Variants in IMMP2L observed in about 807,000 individuals in gnomAD.
IMMP2L encodes the protein inner mitochondrial membrane peptidase subunit 2, also known as mitochondrial inner membrane protease subunit 2.
Under a neutral mutation model 19.3 loss-of-function variants are expected in IMMP2L, and 18 were observed. The ratio of observed to expected loss-of-function variants is 0.93; its 90% CI spans 0.64 to 1.38. The LOEUF is 1.38. IMMP2L is among the 40% of genes most tolerant of loss of function. The pLI is 0.00. For synonymous variants in IMMP2L, 76 were observed against 73.0 expected (o/e 1.04, Z -0.21); for missense variants, 233 against 218.2 (o/e 1.07, Z -0.43).
chr7:110,747,229 A>T (rs1414062630), intron 5 of IMMP2L, among the ~76,000 whole-genome samples: 1 of 152,198 alleles, frequency 6.6e-6, no homozygotes, highest in Non-Finnish European at 1.5e-5. Flanking sequence ...ATACACCAAT[A>T]ACAAGTTCTG....
intron 5 of IMMP2L, among the ~76,000 whole-genome samples, chr7:110,810,542 G>A (rs1801965881): frequency 6.6e-6 from 1 of 152,014 alleles, no homozygotes; most frequent in South Asian, 2.1e-4. Context: ...TCTGGTTATG[G>A]TAAGAACCTT....
chr7:111,399,754 G>A (rs1375762768), intron 3 of IMMP2L, among the ~76,000 whole-genome samples: 4 of 152,018 alleles, frequency 2.6e-5, no homozygotes, highest in African/African-American at 9.7e-5. Context: ...TTTTAAACAT[G>A]TAGTAGTATA....
chr7:111,354,280 A>T (rs1396448433), intron 3 of IMMP2L, among the ~76,000 whole-genome samples: 1 of 152,056 alleles, frequency 6.6e-6, no homozygotes, highest in Non-Finnish European at 1.5e-5. Flanking sequence ...TATTAAGGTA[A>T]CATATTTACC....
intron 1 of IMMP2L, among the ~76,000 whole-genome samples, chr7:111,549,818 G>A (rs1010739620): frequency 6.6e-6 from 1 of 151,970 alleles, no homozygotes; most frequent in East Asian, 1.9e-4. Flanking sequence ...ACACATGCCT[G>A]TAATCCCAGC....
chr7:110,854,596 C>T (rs7782308), intron 5 of IMMP2L, among the ~76,000 whole-genome samples: 2,443 of 151,928 alleles, frequency 0.016, 63 homozygotes, highest in African/African-American at 0.05. Flanking sequence ...GTCAATCTAG[C>T]CAGATGAAAT....
intron 3 of IMMP2L, among the ~76,000 whole-genome samples, chr7:111,047,556 A>G (rs978170412): frequency 6.6e-6 from 1 of 152,172 alleles, no homozygotes; most frequent in Admixed American, 6.5e-5. Context: ...AGCAAACTGT[A>G]GAAGCCTTTT....
chr7:111,400,454 C>T (rs1004099867), intron 3 of IMMP2L, among the ~76,000 whole-genome samples: 3 of 152,094 alleles, frequency 2.0e-5, no homozygotes, highest in Admixed American at 2.0e-4. Flanking sequence ...ACACACCCTG[C>T]TGCTACATCT....
intron 3 of IMMP2L, among the ~76,000 whole-genome samples, chr7:111,204,024 C>G (rs1810441493): frequency 6.6e-6 from 1 of 152,076 alleles, no homozygotes; most frequent in African/African-American, 2.4e-5. Context: ...GTCTAACCAT[C>G]CCAATGTACA....
chr7:111,538,349 T>G (rs921483622), intron 1 of IMMP2L, among the ~76,000 whole-genome samples: 9 of 150,936 alleles, frequency 6.0e-5, no homozygotes, highest in Admixed American at 1.3e-4. Flanking sequence ...ATAAATTTTA[T>G]GTGTGTGTGT....
chr7:111,208,183 C>T (rs1341017292), intron 3 of IMMP2L, among the ~76,000 whole-genome samples: 1 of 152,150 alleles, frequency 6.6e-6, no homozygotes, highest in African/African-American at 2.4e-5. Context: ...GCAAAATGTT[C>T]ATTTTGACCA....
chr7:110,935,491 C>T (rs1034021346), intron 4 of IMMP2L, among the ~76,000 whole-genome samples: 2 of 151,964 alleles, frequency 1.3e-5, no homozygotes, highest in African/African-American at 2.4e-5. Context: ...TTGCTCTTCT[C>T]GAGGAGTATC....
intron 5 of IMMP2L, among the ~76,000 whole-genome samples, chr7:110,775,037 T>C (rs1262498681): frequency 3.3e-5 from 5 of 152,078 alleles, no homozygotes; most frequent in South Asian, 2.1e-4. Flanking sequence ...CTTAGTGATA[T>C]AGGAAAATAC....
At chr7:110,892,392 T>C (rs1210993230) in intron 4 of IMMP2L, among the ~76,000 whole-genome samples, 3 of 152,092 alleles carry the variant, frequency 2.0e-5, no homozygotes, top group Admixed American at 6.6e-5. Flanking sequence ...TTATCCACAC[T>C]TCCCCATCTC....
chr7:110,831,892 G>A (rs974632623), intron 5 of IMMP2L, among the ~76,000 whole-genome samples: 5 of 152,144 alleles, frequency 3.3e-5, no homozygotes, highest in African/African-American at 7.2e-5. Context: ...TAGAGGCTTC[G>A]GTGAAAGTCC....
chr7:110,662,864 C>T lies in IMMP2L; in HGVS notation c.*738G>A, dbSNP rs1791183071. Reference sequence around the variant, plus strand: ...AATGCGGATAAAGGGGTTTACCCATCATTGTGAATAGGCATGAGATCACTC... The same window carrying T: ...AATGCGGATAAAGGGGTTTACCCATTATTGTGAATAGGCATGAGATCACTC... On this transcript the variant is annotated 3_prime_UTR_variant, in exon 6 of 6. Coordinates refer to ENST00000405709, the MANE Select transcript of IMMP2L (RefSeq NM_032549.4). Among the ~76,000 whole-genome samples, 1 of 152,160 alleles carries T rather than the reference C, an allele frequency of 6.6e-6. No individual in the cohort carries two copies. The highest frequency in any genetic ancestry group is 1.5e-5 in the Non-Finnish European group (1 of 68,028).
At chr7:111,188,135 C>A (rs747906698) in intron 3 of IMMP2L, among the ~76,000 whole-genome samples, 1 of 152,074 alleles carries the variant, frequency 6.6e-6, no homozygotes, top group African/African-American at 2.4e-5. Flanking sequence ...GCTCCCTCCA[C>A]GGCTTGTGAC....
At chr7:111,241,382 T>A (rs1228438585) in intron 3 of IMMP2L, among the ~76,000 whole-genome samples, 1 of 152,004 alleles carries the variant, frequency 6.6e-6, no homozygotes, top group Non-Finnish European at 1.5e-5. Flanking sequence ...AAAATTTTAT[T>A]CTTGTACAAC....
intron 3 of IMMP2L, among the ~76,000 whole-genome samples, chr7:111,236,684 A>C (rs943538962): frequency 2.6e-5 from 4 of 152,078 alleles, no homozygotes; most frequent in African/African-American, 9.7e-5. Context: ...TCTGTCCTGC[A>C]AACTCTAGCC....
intron 5 of IMMP2L, among the ~76,000 whole-genome samples, chr7:110,867,325 C>T (rs978760764): frequency 2.0e-5 from 3 of 151,722 alleles, no homozygotes; most frequent in African/African-American, 7.3e-5. Flanking sequence ...GGGGCTCCAC[C>T]CTCATGACCT....
Sources: gnomAD v4.1 joint callset for allele counts (sites outside exome capture counted in the v4.1 genomes callset) on GRCh38, gnomAD v4.1.1 for gene constraint, MANE v1.5 for transcripts, NCBI Gene and HGNC (gene_info 2026-07-23, HGNC 2026-07-21) for gene names.